MIPEP: variants seen among roughly 807,000 people sequenced by gnomAD.
MIPEP encodes the protein mitochondrial intermediate peptidase.
A neutral mutation model predicts 90.3 loss-of-function variants in MIPEP; 79 were observed. That is an observed-to-expected ratio of 0.87 (90% CI 0.73 to 1.05). The LOEUF (loss-of-function observed/expected upper bound fraction) is 1.05, where lower values mean the gene tolerates loss of function less well. Ranked by LOEUF, MIPEP falls within the 50% of genes least tolerant of loss-of-function variation. The probability of loss-of-function intolerance (pLI) is 0.00; values close to 1 mark genes in which losing one functional copy is unlikely to be tolerated. For missense variants in MIPEP, 940 were observed against 905.6 expected (o/e 1.04, Z -0.49); for synonymous variants, 334 against 315.8 (o/e 1.06, Z -0.61).
At chr13:23,772,055 C>CT (rs1952657732) in intron 16 of MIPEP, among the ~76,000 whole-genome samples, 1 of 152,162 alleles carries the variant, frequency 6.6e-6, no homozygotes, top group African/African-American at 2.4e-5. Context: ...ACTGCCCCCC[C>CT]ACTTCCCATG....
chr13:23,799,844 A>G (rs1363032992), intron 16 of MIPEP, among the ~76,000 whole-genome samples: 1 of 152,210 alleles, frequency 6.6e-6, no homozygotes, highest in Non-Finnish European at 1.5e-5. Context: ...TTTTCATTCT[A>G]GCTTTGAACA....
At chr13:23,784,414 C>T (rs918138941) in intron 16 of MIPEP, among the ~76,000 whole-genome samples, 2 of 152,146 alleles carry the variant, frequency 1.3e-5, no homozygotes, top group African/African-American at 4.8e-5. Flanking sequence ...ATAAATGGTG[C>T]TGGGAAAACT....
chr13:23,889,242 G>C lies in MIPEP; in HGVS notation c.79C>G (p.Leu27Val). 1 of 1,401,320 alleles carries C rather than the reference G, an allele frequency of 7.1e-7. No homozygotes were observed. The highest frequency in any genetic ancestry group is 1.6e-5 in the South Asian group (1 of 62,586). The allele number at this position is 1,401,320 out of a possible 1,614,324, so 86.8% of individuals were successfully genotyped here. ...LPPRRAGRGS[L>V]EAGIRARRVS... ...CTTCGGGCCCGGATCCCGGCTTCGA[G>C]GCTTCCCCGGCCCGCCCGGCGGGGC... Residue 27 changes from leucine (L) to valine (V), a missense_variant, in exon 1 of 19, where the codon CTC becomes GTC. Transcript: ENST00000382172.
intron 14 of MIPEP, among the ~76,000 whole-genome samples, chr13:23,819,608 C>G (rs1270818740): frequency 6.6e-6 from 1 of 151,956 alleles, no homozygotes; most frequent in Non-Finnish European, 1.5e-5. Context: ...TTCTGAATTC[C>G]AAAACATCTA....
chr13:23,858,628 C>A (rs1042004732), intron 10 of MIPEP, among the ~76,000 whole-genome samples: 1 of 151,956 alleles, frequency 6.6e-6, no homozygotes, highest in East Asian at 1.9e-4. Flanking sequence ...AGGAAGAGAA[C>A]CAGAAAGCTA....
At chr13:23,818,959 T>C (rs1041483893) in intron 14 of MIPEP, among the ~76,000 whole-genome samples, 3 of 152,182 alleles carry the variant, frequency 2.0e-5, no homozygotes, top group African/African-American at 7.2e-5. Flanking sequence ...AAAAAAAACA[T>C]TAGATGGCAA....
chr13:23,764,766 T>C (rs372675419), intron 16 of MIPEP, among the ~76,000 whole-genome samples: 128 of 152,294 alleles, frequency 8.4e-4, no homozygotes, highest in African/African-American at 2.9e-3. Context: ...TCTCTCTCTG[T>C]TTCCCAGGCT....
At chr13:23,744,534 C>T (rs925834972) in intron 18 of MIPEP, among the ~76,000 whole-genome samples, 1 of 152,144 alleles carries the variant, frequency 6.6e-6, no homozygotes. Context: ...TGATCTCAGG[C>T]AAATAAGTTA....
At chr13:23,828,951 C>T (rs1048428057) in intron 14 of MIPEP, among the ~76,000 whole-genome samples, 3 of 152,152 alleles carry the variant, frequency 2.0e-5, no homozygotes, top group Non-Finnish European at 2.9e-5. Flanking sequence ...ATAACTTATT[C>T]CAAAGCTCTA....
intron 10 of MIPEP, among the ~76,000 whole-genome samples, chr13:23,846,445 T>C (rs118059902): frequency 0.024 from 3,631 of 152,338 alleles, 64 homozygotes; most frequent in Admixed American, 0.034. Context: ...ATAGTTTGTG[T>C]ATCCCTTATC....
Position 23,837,680 on chromosome 13 carries a change from A to G in MIPEP, c.1415T>C (p.Leu472Pro), listed in dbSNP as rs1402601579. 2 of 1,614,182 alleles carry G rather than the reference A, an allele frequency of 1.2e-6. No individual in the cohort carries two copies. The highest frequency in any genetic ancestry group is 3.3e-5 in the Admixed American group (2 of 60,032). The change falls in exon 13 of 19, where the codon CTG becomes CCG. Residue 472 changes from leucine to proline, a missense_variant. Physicochemically the swap from Leu to Pro is moderately conservative, Grantham distance 98 (BLOSUM62 -3). Transcript: ENST00000382172. ...DYQLPVVVLM[L>P]NLPRSSRSSP... ...ACTCCTTGAGGAACGGGGAAGATTC[A>G]GCATAAGAACTACAACTGGGAGTTG...
chr13:23,751,393 C>T (rs9553049), intron 18 of MIPEP, among the ~76,000 whole-genome samples: 21,106 of 152,090 alleles, frequency 0.14, 1,804 homozygotes, highest in South Asian at 0.23. Flanking sequence ...CAGTCTGATG[C>T]GAAAAAACAA....
At chr13:23,879,240 C>T in intron 4 of MIPEP, 28 bp downstream of exon 4, 5 of 1,387,480 alleles carry the variant, frequency 3.6e-6, no homozygotes, top group East Asian at 2.3e-5. Flanking sequence ...GTCACAGTCA[C>T]AATCAAGGCA....
At chr13:23,803,856 A>G (rs946305453) in intron 16 of MIPEP, among the ~76,000 whole-genome samples, 1 of 152,186 alleles carries the variant, frequency 6.6e-6, no homozygotes, top group East Asian at 1.9e-4. Context: ...AAACTCTCAG[A>G]CACTTTTTTT....
At chr13:23,816,714 G>A (rs1490404267) in intron 14 of MIPEP, among the ~76,000 whole-genome samples, 1 of 152,138 alleles carries the variant, frequency 6.6e-6, no homozygotes. Flanking sequence ...GGGAGTCAGG[G>A]TTTTCTGCTA....
chr13:23,828,655 T>G (rs1195305878), intron 14 of MIPEP, among the ~76,000 whole-genome samples: 1 of 152,202 alleles, frequency 6.6e-6, no homozygotes, highest in Non-Finnish European at 1.5e-5. Flanking sequence ...ATTCAAAGAC[T>G]TTTGAAAAGA....
In MIPEP at chr13:23,730,411, G is replaced by A. The variant is rs368692419; in HGVS notation, c.2079C>T (p.Phe693=). The A allele has an allele frequency of 3.4e-5, 55 of 1,612,488 alleles. No homozygotes were observed. Among genetic ancestry groups the A allele is most frequent in the Non-Finnish European group, 4.3e-5 (51 of 1,179,020 alleles). Residue 693 remains phenylalanine, a synonymous_variant, in exon 19 of 19, where the codon TTC becomes TTT. Coordinates refer to ENST00000382172, the MANE Select transcript of MIPEP (RefSeq NM_005932.4). ...MLQKCPSVDD[F]VSALVSDLDL... is the part of the protein sequence containing the mutation. ...CCAAGTCGGAAACGAGGGCACTTAC[G>A]AAGTCATCAACAGAAGGACACTTCT...
intron 14 of MIPEP, among the ~76,000 whole-genome samples, chr13:23,816,198 A>T (rs2137420776): frequency 6.6e-6 from 1 of 152,188 alleles, no homozygotes; most frequent in Admixed American, 6.5e-5. Context: ...GCTTTTCATT[A>T]TTTTTGGCAA....
chr13:23,867,582 T>C (rs1870598976), intron 7 of MIPEP, among the ~76,000 whole-genome samples: 1 of 152,246 alleles, frequency 6.6e-6, no homozygotes, highest in African/African-American at 2.4e-5. Context: ...CTCCCAAGAA[T>C]GTAAACTGCA....
Sources: gnomAD v4.1 joint callset for allele counts (sites outside exome capture counted in the v4.1 genomes callset) on GRCh38, gnomAD v4.1.1 for gene constraint, MANE v1.5 for transcripts, NCBI Gene and HGNC (gene_info 2026-07-23, HGNC 2026-07-21) for gene names.